The following MCM6 variants were observed in gnomAD, a reference collection of about 807,000 sequenced individuals.
MCM6 encodes DNA replication licensing factor MCM6.
Under a neutral mutation model 94.3 loss-of-function variants are expected in MCM6, and 46 were observed. The observed-to-expected ratio is 0.49, with a 90% CI of 0.39 to 0.62. The LOEUF (loss-of-function observed/expected upper bound fraction) is 0.62. Among genes scored for constraint, MCM6 ranks in the 20% least tolerant of loss-of-function variants. MCM6 has a pLI of 0.00. For synonymous variants in MCM6, 335 were observed against 351.9 expected, an observed-to-expected ratio of 0.95 and a Z score of 0.54; for missense variants, 865 against 1,017.9, an observed-to-expected ratio of 0.85 and a Z score of 2.04.
chr2:135,869,102 A>G (rs1246262020), intron 3 of MCM6, among the ~76,000 whole-genome samples: 1 of 152,152 alleles, frequency 6.6e-6, no homozygotes, highest in Non-Finnish European at 1.5e-5. Flanking sequence ...AATGAAAATT[A>G]AAATTATAAA....
intron 7 of MCM6, among the ~76,000 whole-genome samples, chr2:135,864,021 G>C (rs1680042845): frequency 6.6e-6 from 1 of 151,820 alleles, no homozygotes; most frequent in South Asian, 2.1e-4. Flanking sequence ...TGAGGCAGGA[G>C]AATCGCTTGA....
rs1038367409 is a variant in MCM6 at position 135,865,053 on chromosome 2, T to C, written c.1038A>G (p.Leu346=). ...ACAGGCTGGTACAAAGATTGTGGTA[T>C]AGATTTTTATCTTGACTCATCTCAA... ...KVFEMSQDKN[L]YHNLCTSLFP... The change falls in exon 7 of 17, where the codon CTA becomes CTG. Residue 346 remains leucine (L), a synonymous_variant. Transcript: ENST00000264156. 2.3e-5 allele frequency: 36 copies of C among 1,551,106 alleles called. No individual in the cohort carries two copies. The highest frequency in any genetic ancestry group is 3.0e-5 in the Non-Finnish European group (35 of 1,149,136).
chr2:135,848,319 G>A, intron 13 of MCM6, 131 bp from the exon 14 acceptor site: 1 of 583,142 alleles, frequency 1.7e-6, no homozygotes, highest in Non-Finnish European at 3.0e-6. Context: ...TGTTGCTTTG[G>A]TTTTCTCACA....
At chr2:135,868,419 G>A (rs1321305562) in intron 4 of MCM6, among the ~76,000 whole-genome samples, 192 bp downstream of exon 4, 2 of 152,168 alleles carry the variant, frequency 1.3e-5, no homozygotes, top group Non-Finnish European at 2.9e-5. Context: ...GTTACTGAAA[G>A]TTAAAACAAA....
rs1241875507 is a variant in MCM6 at position 135,859,450 on chromosome 2, A to G, written c.1221-8T>C. The G allele has an allele frequency of 1.2e-6, 2 of 1,600,984 alleles. No individual in the cohort carries two copies. The highest frequency in any genetic ancestry group is 1.7e-6 in the Non-Finnish European group (2 of 1,173,448). On this transcript the variant is annotated splice_region_variant and splice_polypyrimidine_tract_variant and intron_variant, in intron 8 of 16. Transcript: ENST00000264156. ...CTGAACTCCTCCACGTGCCTGTTCA[A>G]GGTTATCACATAAAGACTCATTAAT...
At chr2:135,842,788 A>T (rs556216046) in intron 16 of MCM6, among the ~76,000 whole-genome samples, 1 of 152,274 alleles carries the variant, frequency 6.6e-6, no homozygotes, top group East Asian at 1.9e-4. Flanking sequence ...GATCAAGGCC[A>T]GTGTCACTGG....
intron 11 of MCM6, among the ~76,000 whole-genome samples, chr2:135,853,830 G>A (rs72972179): frequency 0.063 from 9,568 of 152,204 alleles, 576 homozygotes; most frequent in African/African-American, 0.15. Context: ...AAAGCAAACA[G>A]GGTAAAATGT....
At chr2:135,871,615 T>C (rs1240901614) in intron 2 of MCM6, among the ~76,000 whole-genome samples, 1 of 152,238 alleles carries the variant, frequency 6.6e-6, no homozygotes, top group Non-Finnish European at 1.5e-5. Context: ...TCTTGCTATA[T>C]ATAACAAGTC....
intron 7 of MCM6, 135 bp from the exon 8 acceptor site, chr2:135,862,883 T>C (rs779270016): frequency 7.4e-6 from 6 of 813,168 alleles, no homozygotes; most frequent in Non-Finnish European, 1.2e-5. Flanking sequence ...ACTGGAGTAA[T>C]AACACCTGGC....
chr2:135,850,040 A>G (rs1373096184), intron 13 of MCM6, among the ~76,000 whole-genome samples: 4 of 152,210 alleles, frequency 2.6e-5, no homozygotes, highest in African/African-American at 9.6e-5. Flanking sequence ...ATAAAAATCA[A>G]TTAGAGACTG....
chr2:135,864,620 T>C (rs1218190600), intron 7 of MCM6, among the ~76,000 whole-genome samples: 3 of 152,196 alleles, frequency 2.0e-5, no homozygotes, highest in Non-Finnish European at 4.4e-5. Flanking sequence ...AAAAATAAAA[T>C]TGTGATAAAA....
Position 135,844,545 on chromosome 2 carries a change from A to G in MCM6, c.2349T>C (p.Tyr783=). The G allele has an allele frequency of 6.4e-7, 1 of 1,558,802 alleles. No individual in the cohort carries two copies. The highest frequency in any genetic ancestry group is 8.7e-7 in the Non-Finnish European group (1 of 1,154,848). ...AGAGCACGCGCACTTCTGCACCTAC[A>G]TAGTGTGTGAGTCGATGAATAACTT... The part of the protein sequence containing the change: ...IEKVIHRLTH[Y]DHVLIELTQA... Residue 783 remains tyrosine (Y), a splice_region_variant and synonymous_variant, in exon 16 of 17, where the codon TAT becomes TAC. Transcript: ENST00000264156.
intron 6 of MCM6, 84 bp downstream of exon 6, chr2:135,866,048 G>T: frequency 6.8e-7 from 1 of 1,474,782 alleles, no homozygotes. Context: ...GCTACAGTGA[G>T]CCATGACTTT....
At chr2:135,851,762 T>G (rs1041597450) in intron 12 of MCM6, 199 bp from the exon 13 acceptor site, 1 of 402,936 alleles carries the variant, frequency 2.5e-6, no homozygotes, top group Non-Finnish European at 4.4e-6. Flanking sequence ...GAATTCCATG[T>G]TACTAATTTT....
At position 135,872,767 on chromosome 2, in the gene MCM6, C is replaced by T. The variant is rs1190962067; in HGVS notation, c.184G>A (p.Val62Ile). 6 of 1,614,194 alleles carry T rather than the reference C, an allele frequency of 3.7e-6. No individual in the cohort carries two copies. The highest frequency in any genetic ancestry group is 5.1e-6 in the Non-Finnish European group (6 of 1,180,050). Reference sequence around the variant, plus strand: ...TGTTCCAGGTCCACAAAACTCACAACCAATGTGTTTCTCTCAGGACGAATC... The same window carrying T: ...TGTTCCAGGTCCACAAAACTCACAATCAATGTGTTTCTCTCAGGACGAATC... ...ELIRPERNTL[V>I]VSFVDLEQFN... The change falls in exon 2 of 17, where the codon GTT (valine) becomes ATT (isoleucine). Residue 62 changes from valine to isoleucine, a missense_variant. Around this residue, in one of 3 missense-constraint regions of MCM6, gnomAD observed 404 missense variants for 451.9 expected, o/e 0.89. Coordinates refer to ENST00000264156, the MANE Select transcript of MCM6 (RefSeq NM_005915.6).
At chr2:135,852,380 A>G (rs973711317) in intron 12 of MCM6, among the ~76,000 whole-genome samples, 1 of 152,202 alleles carries the variant, frequency 6.6e-6, no homozygotes, top group Admixed American at 6.5e-5. Context: ...TGCATCAATC[A>G]CTGTAAAACA....
intron 15 of MCM6, 136 bp from the exon 16 acceptor site, chr2:135,844,820 G>A (rs1679641281): frequency 3.7e-6 from 3 of 806,916 alleles, no homozygotes; most frequent in African/African-American, 1.8e-5. Flanking sequence ...ATCTGGTGAC[G>A]TAAGGTCCGC....
chr2:135,848,800 G>A (rs1032372847), intron 13 of MCM6, among the ~76,000 whole-genome samples: 1 of 152,140 alleles, frequency 6.6e-6, no homozygotes, highest in Middle Eastern at 3.4e-3. Flanking sequence ...AAGAAGAATC[G>A]CTTGAACCTG....
intron 14 of MCM6, among the ~76,000 whole-genome samples, chr2:135,846,997 T>A (rs1185924966): frequency 6.7e-6 from 1 of 148,666 alleles, no homozygotes; most frequent in Admixed American, 6.7e-5. Context: ...AAAGCAAAAC[T>A]CCATCTCAAA....
Sources: gnomAD v4.1 joint callset for allele counts (sites outside exome capture counted in the v4.1 genomes callset) on GRCh38, gnomAD v4.1.1 for gene constraint, gnomAD v4.1.1 regional missense constraint, MANE v1.5 for transcripts, NCBI Gene and HGNC (gene_info 2026-07-23, HGNC 2026-07-21) for gene names.